MED25: variants seen among roughly 807,000 people sequenced by gnomAD.
MED25 encodes the protein mediator complex subunit 25, also known as mediator of RNA polymerase II transcription subunit 25.
MED25 carries 62 observed loss-of-function variants against 89.4 expected under a neutral mutation model. The ratio of observed to expected loss-of-function variants is 0.69; its 90% CI spans 0.57 to 0.86. The LOEUF (loss-of-function observed/expected upper bound fraction) is 0.86. Among genes scored for constraint, MED25 ranks in the 40% least tolerant of loss-of-function variants. The pLI is 0.00. For missense variants in MED25, 905 were observed against 1,005.2 expected (o/e 0.90, Z 1.35); for synonymous variants, 449 against 427.9 (o/e 1.05, Z -0.61).
At position 49,830,197 on chromosome 19, in the gene MED25, C is replaced by A; in HGVS notation, c.798C>A (p.Pro266=). Residue 266 remains proline, a synonymous_variant, in exon 7 of 18, where the codon CCC becomes CCA. Coordinates refer to ENST00000312865, the MANE Select transcript of MED25 (RefSeq NM_030973.4). This position sits in a 1 kb window ranked among gnomAD's most constrained non-coding sequence, Gnocchi z 4.6. ...CAGCAGCCCCCCAGCAGCCTCTGCC[C>A]CCCGTCCCCCCGCAGTACCAGGTAT... The part of the protein sequence containing the change: ...TLSAAPQQPL[P]PVPPQYQVPG... The A allele has an allele frequency of 6.2e-7, 1 of 1,607,002 alleles. No individual in the cohort carries two copies. Among genetic ancestry groups the A allele is most frequent in the Non-Finnish European group, 8.5e-7 (1 of 1,175,738 alleles).
At position 49,835,636 on chromosome 19, in the gene MED25, G is replaced by A. The variant is rs2074090597; in HGVS notation, c.1746+31G>A. The A allele has an allele frequency of 6.4e-7, 1 of 1,557,664 alleles. No homozygotes were observed. The highest frequency in any genetic ancestry group is 1.4e-5 in the African/African-American group (1 of 73,478). On this transcript the variant is annotated intron_variant, in intron 15 of 17. Transcript: ENST00000312865. This position sits in a 1 kb window ranked among gnomAD's most constrained non-coding sequence, Gnocchi z 6.2. ...GACAGGGCTGGCGGGGTCGGGGCTG[G>A]GTTGGGGAGGCCCCAAGGCTGCGCT...
Position 49,830,571 on chromosome 19 carries a change from A to T in MED25, c.880A>T (p.Asn294Tyr). 6.2e-7 allele frequency: 1 copy of T among 1,614,094 alleles called. No individual in the cohort carries two copies. The change falls in exon 8 of 18, where the codon AAC becomes TAC. Residue 294 changes from asparagine (N) to tyrosine (Y), a missense_variant. Coordinates refer to ENST00000312865, the MANE Select transcript of MED25 (RefSeq NM_030973.4). This position sits in a 1 kb window ranked among gnomAD's most constrained non-coding sequence, Gnocchi z 4.6. Reference protein sequence around the residue: ...AAQNAVEAAKNQKAGLGPRFS... With the variant: ...AAQNAVEAAKYQKAGLGPRFS... The stretch of plus-strand genomic sequence containing the variant: ...GCAGAATGCAGTGGAGGCTGCCAAG[A>T]ACCAGAAGGCTGGGCTGGGCCCTCG...
intron 3 of MED25, among the ~76,000 whole-genome samples, chr19:49,823,244 G>A (rs1312906795): frequency 6.6e-6 from 1 of 152,160 alleles, no homozygotes; most frequent in Admixed American, 6.5e-5. Flanking sequence ...TCACAGGCCT[G>A]AGCTGCGGTG....
downstream of MED25, chr19:49,839,110 C>T: frequency 3.6e-6 from 1 of 278,704 alleles, no homozygotes; most frequent in Non-Finnish European, 7.0e-6. Flanking sequence ...TGCTCATAAA[C>T]TATTACCACC....
intron 3 of MED25, among the ~76,000 whole-genome samples, chr19:49,825,207 C>G (rs1600319278): frequency 6.6e-6 from 1 of 152,122 alleles, no homozygotes; most frequent in African/African-American, 2.4e-5. Flanking sequence ...TTTAGCATCT[C>G]AAACTGGTTA....
At position 49,835,994 on chromosome 19, in the gene MED25, G is replaced by A. The variant is rs761186333; in HGVS notation, c.1965+49G>A. On this transcript the variant is annotated intron_variant, in intron 16 of 17. Transcript: ENST00000312865. This position sits in a 1 kb window ranked among gnomAD's most constrained non-coding sequence, Gnocchi z 6.2. ...GAGAGTTCCAGATCCTGGCCCTGGT[G>A]GTTCTGGTCCTGTTGTCTGGGAGGA... The A allele has an allele frequency of 6.2e-7, 1 of 1,602,828 alleles. No individual in the cohort carries two copies. Among genetic ancestry groups the A allele is most frequent in the Non-Finnish European group, 8.5e-7 (1 of 1,175,884 alleles).
At chr19:49,837,410 A>G (rs2074107378), downstream of MED25, among the ~76,000 whole-genome samples, 1 of 152,234 alleles carries the variant, frequency 6.6e-6, no homozygotes, top group Non-Finnish European at 1.5e-5. Context: ...ATGAGCATGT[A>G]GGGAGCTAGA....
intron 3 of MED25, among the ~76,000 whole-genome samples, chr19:49,822,912 G>A (rs1226356406): frequency 2.6e-5 from 4 of 152,072 alleles, no homozygotes; most frequent in Non-Finnish European, 5.9e-5. Flanking sequence ...CTCCCAAAGT[G>A]CTGGGATTAC....
At chr19:49,824,441 C>T (rs1012919644) in intron 3 of MED25, among the ~76,000 whole-genome samples, 2 of 151,944 alleles carry the variant, frequency 1.3e-5, no homozygotes, top group Non-Finnish European at 2.9e-5. Context: ...AAAAATTAAC[C>T]AGGCATGGTG....
rs1367615775 is a variant in MED25, at chr19:49,832,037, G to C, written c.1316+16G>C. On this transcript the variant is annotated intron_variant, in intron 11 of 17. Transcript: ENST00000312865. ...GCGAGAACCTGTAGGTGACAGTCAG[G>C]GGCGGGGTGTGGTGGGGCTGGGGCT... 1.2e-6 allele frequency: 2 copies of C among 1,613,994 alleles called. No homozygotes were observed. The highest frequency in any genetic ancestry group is 3.3e-5 in the Admixed American group (2 of 60,026).
At position 49,830,883 on chromosome 19, in the gene MED25, C is replaced by G. The variant is rs1162744440; in HGVS notation, c.1097C>G (p.Ser366Cys). 5 of 1,606,178 alleles carry G rather than the reference C, an allele frequency of 3.1e-6. No individual in the cohort carries two copies. Among genetic ancestry groups the G allele is most frequent in the Non-Finnish European group, 4.2e-6 (5 of 1,177,414 alleles). Residue 366 changes from serine (S) to cysteine (C), a missense_variant, in exon 9 of 18, where the codon TCC (serine) becomes TGC (cysteine). Transcript: ENST00000312865. The surrounding 1 kb of genome is among the most constrained non-coding windows in gnomAD (Gnocchi z 4.6). The stretch of plus-strand genomic sequence containing the variant: ...CCCACGGCACAGCCCGGGGCACCGT[C>G]CATGGTAGGTGCCTGCACGCCTCCT... ...LAPTAQPGAP[S>C]MAGTVAPGGV...
intron 2 of MED25, 159 bp downstream of exon 2, chr19:49,818,775 C>T (rs1368869232): frequency 4.0e-6 from 3 of 747,228 alleles, no homozygotes; most frequent in Non-Finnish European, 6.6e-6. Context: ...GCCTGGGGGC[C>T]TGGACTCCTG....
At position 49,818,484 on chromosome 19, in the gene MED25, T is replaced by C. The variant is rs768469312; in HGVS notation, c.134+9T>C. ...CTGCTCCCGGCCATCGAGTGAGTGC[T>C]GTTTCCGCGACTCTAACCCCGCCCT... On this transcript the variant is annotated intron_variant, in intron 1 of 17. Transcript: ENST00000312865. 3 of 1,614,170 alleles carry C rather than the reference T, an allele frequency of 1.9e-6. No individual in the cohort carries two copies. The highest frequency in any genetic ancestry group is 1.1e-5 in the South Asian group (1 of 91,084).
Position 49,830,195 on chromosome 19 carries a change from C to A in MED25, c.796C>A (p.Pro266Thr). 1 of 1,602,552 alleles carries A rather than the reference C, an allele frequency of 6.2e-7. No homozygotes were observed. Among genetic ancestry groups the A allele is most frequent in the Non-Finnish European group, 8.5e-7 (1 of 1,172,182 alleles). ...CTCAGCAGCCCCCCAGCAGCCTCTG[C>A]CCCCCGTCCCCCCGCAGTACCAGGT... The part of the protein sequence containing the change: ...TLSAAPQQPL[P>T]PVPPQYQVPG... Residue 266 changes from proline (P) to threonine (T), a missense_variant, in exon 7 of 18, where the codon CCC (proline) becomes ACC (threonine). Physicochemically the swap from Pro to Thr is conservative, Grantham distance 38. Transcript: ENST00000312865. The surrounding 1 kb of genome is among the most constrained non-coding windows in gnomAD (Gnocchi z 4.6).
intron 3 of MED25, among the ~76,000 whole-genome samples, chr19:49,822,181 T>C (rs1235695625): frequency 6.9e-6 from 1 of 145,580 alleles, no homozygotes; most frequent in Non-Finnish European, 1.5e-5. Context: ...GAGAATGGCG[T>C]GAACCCAGGA....
At chr19:49,823,633 C>G in intron 3 of MED25, among the ~76,000 whole-genome samples, 1 of 152,242 alleles carries the variant, frequency 6.6e-6, no homozygotes, top group Admixed American at 6.5e-5. Flanking sequence ...TCGTAGCGGC[C>G]GTTACCTCTG....
At position 49,830,640 on chromosome 19, in the gene MED25, C is replaced by G; in HGVS notation, c.907+42C>G. On this transcript the variant is annotated intron_variant, in intron 8 of 17. Coordinates refer to ENST00000312865, the MANE Select transcript of MED25 (RefSeq NM_030973.4). The surrounding 1 kb of genome is among the most constrained non-coding windows in gnomAD (Gnocchi z 4.6). ...GGATGAAGGGCGGGCAGGGGCCAGG[C>G]AGGCCTCTCTCCACACACTTGTTCC... The G allele has an allele frequency of 6.2e-7, 1 of 1,612,272 alleles. No individual in the cohort carries two copies. The highest frequency in any genetic ancestry group is 1.1e-5 in the South Asian group (1 of 91,052).
At position 49,836,292 on chromosome 19, in the gene MED25, C is replaced by G; in HGVS notation, c.2032C>G (p.Leu678Val). 1 of 1,611,890 alleles carries G rather than the reference C, an allele frequency of 6.2e-7. No homozygotes were observed. The highest frequency in any genetic ancestry group is 1.1e-5 in the South Asian group (1 of 90,946). ...HHLQPPGAPA[L>V]LPPPHQGLGQ... is the part of the protein sequence containing the mutation. ...CCTCCAGCCACCAGGGGCTCCTGCG[C>G]TGCTGCCTCCGCCGCACCAGGGCCT... Residue 678 changes from leucine to valine, a missense_variant, in exon 17 of 18, where the codon CTG (leucine) becomes GTG (valine). By Grantham distance (32) the Leu-to-Val change is conservative (BLOSUM62 1). Transcript: ENST00000312865. This position sits in a 1 kb window ranked among gnomAD's most constrained non-coding sequence, Gnocchi z 5.1.
chr19:49,819,337 G>C, intron 3 of MED25, 41 bp downstream of exon 3: 1 of 856,512 alleles, frequency 1.2e-6, no homozygotes. Flanking sequence ...TGGTCCCTGT[G>C]AGGGGCCGTG....
Sources: allele counts gnomAD v4.1 joint callset (sites outside exome capture counted in the v4.1 genomes callset), GRCh38; gene constraint gnomAD v4.1.1; non-coding constraint Gnocchi (gnomAD v3.1); transcripts MANE v1.5; gene names NCBI Gene and HGNC (gene_info 2026-07-23, HGNC 2026-07-21).